The following IDH3G variants were observed in gnomAD, a reference collection of about 807,000 sequenced individuals.
IDH3G encodes the protein isocitrate dehydrogenase [NAD] subunit gamma, mitochondrial.
Under a neutral mutation model 26.9 loss-of-function variants are expected in IDH3G, and 9 were observed. That is an observed-to-expected ratio of 0.34 (90% confidence interval 0.20 to 0.58). The LOEUF is 0.58. Among genes scored for constraint, IDH3G ranks in the 20% least tolerant of loss-of-function variants. IDH3G has a pLI of 0.85. For synonymous variants in IDH3G, 181 were observed against 160.0 expected, an observed-to-expected ratio of 1.13 and a Z score of -0.99; for missense variants, 250 against 372.8, an observed-to-expected ratio of 0.67 and a Z score of 2.71.
At chrX:153,793,907 A>C (rs2092120957) in intron 1 of IDH3G, 1 of 166,406 alleles carries the variant, frequency 6.0e-6, no homozygotes, top group Non-Finnish European at 1.2e-5. Context: ...CGGATTCCCG[A>C]AGCGGTTTGA....
chrX:153,787,958 G>A lies in IDH3G; in HGVS notation c.408-3C>T. The stretch of plus-strand genomic sequence containing the variant: ...TGGCATAGAGGTCCAGGCTGGTGCT[G>A]GGAGGGGACGGAGAAAGAGGCTGCT... On this transcript the variant is annotated splice_region_variant and splice_polypyrimidine_tract_variant and intron_variant, in intron 6 of 12. Coordinates refer to ENST00000217901, the MANE Select transcript of IDH3G (RefSeq NM_004135.4). The A allele has an allele frequency of 1.7e-6, 2 of 1,210,409 alleles. No individual in the cohort carries two copies. Among genetic ancestry groups the A allele is most frequent in the Non-Finnish European group, 2.2e-6 (2 of 894,135 alleles).
chrX:153,789,126 A>G (rs1557069837), intron 5 of IDH3G: 1 of 342,754 alleles, frequency 2.9e-6, no homozygotes, highest in Admixed American at 3.1e-5. Context: ...GAATCCCAGC[A>G]TCGCAGCGCA....
At chrX:153,787,432 T>C in intron 8 of IDH3G, 32 bp downstream of exon 8, 1 of 1,202,474 alleles carries the variant, frequency 8.3e-7, no homozygotes, top group Non-Finnish European at 1.1e-6. Context: ...CAGCTGCTTC[T>C]GGACTGCTCG....
At position 153,790,826 on chromosome X, in the gene IDH3G, G is replaced by A. The variant is rs782335195; in HGVS notation, c.107C>T (p.Ser36Leu). Residue 36 changes from serine to leucine, a missense_variant, in exon 2 of 13, where the codon TCG becomes TTG. Ser to Leu is a moderately radical substitution (Grantham distance 145, BLOSUM62 -2). Transcript: ENST00000217901. Reference protein sequence around the residue: ...WEVLGAHEVPSRNIFSEQTIP... With the variant: ...WEVLGAHEVPLRNIFSEQTIP... ...GGTACTTACTGAAAAGATGTTCCTC[G>A]AGGGGACCTCGTGGGCGCCTAGAAC... 1.0e-4 allele frequency: 121 copies of A among 1,208,805 alleles called. No homozygotes were observed. Among genetic ancestry groups the A allele is most frequent in the African/African-American group, 1.4e-4 (8 of 56,755 alleles).
intron 5 of IDH3G, chrX:153,789,080 G>A (rs928124450): frequency 4.4e-5 from 15 of 339,656 alleles, no homozygotes; most frequent in African/African-American, 3.2e-4. Context: ...CAGGGAGCCC[G>A]TCACTGGACA....
At chrX:153,787,028 G>A (rs782146245) in intron 9 of IDH3G, 23 bp downstream of exon 9, 1 of 1,192,578 alleles carries the variant, frequency 8.4e-7, no homozygotes, top group South Asian at 1.8e-5. Flanking sequence ...AGGGCAGGGG[G>A]ACAGCACTGG....
intron 1 of IDH3G, among the ~76,000 whole-genome samples, chrX:153,793,309 CAA>C (rs782621887): frequency 8.9e-6 from 1 of 111,966 alleles, no homozygotes; most frequent in African/African-American, 3.2e-5. Flanking sequence ...TCAGCATCGT[CAA>C]GAGAATTTCA....
Position 153,786,860 on chromosome X carries a change from C to T in IDH3G, c.865G>A (p.Gly289Arg). 2.5e-6 allele frequency: 3 copies of T among 1,210,763 alleles called. No individual in the cohort carries two copies. Among genetic ancestry groups the T allele is most frequent in the Non-Finnish European group, 2.2e-6 (2 of 894,787 alleles). The change falls in exon 10 of 13, where the codon GGG (glycine) becomes AGG (arginine). Residue 289 changes from glycine to arginine, a missense_variant. Physicochemically the swap from Gly to Arg is moderately radical, Grantham distance 125. This residue lies in a region of IDH3G where 201 missense variants were observed against 331.3 expected (regional missense o/e 0.61). Coordinates refer to ENST00000217901, the MANE Select transcript of IDH3G (RefSeq NM_004135.4). ...IVNNVCAGLV[G>R]GPGLVAGANY... ...GCCCCAGCCACAAGGCCTGGGCCCCCGACCAGTCCCGCGCAGACATTGTTG... is the reference window on the plus strand; with the variant it reads ...GCCCCAGCCACAAGGCCTGGGCCCCTGACCAGTCCCGCGCAGACATTGTTG...
chrX:153,787,681 G>T, intron 7 of IDH3G, 84 bp from the exon 8 acceptor site: 1 of 1,149,694 alleles, frequency 8.7e-7, no homozygotes. Context: ...GGGCCACCGT[G>T]GGAAGCAACC....
Position 153,792,736 on chromosome X carries a change from C to T in IDH3G, c.81+1510G>A, listed in dbSNP as rs192857909. Among the ~76,000 whole-genome samples the T allele has an allele frequency of 2.0e-4, 22 of 112,696 alleles. No individual in the cohort carries two copies. In the Admixed American group the frequency reaches 2.0e-3, roughly 10 times the overall value. ...GGGCTTTGGCAAAAGACCCAGAGAG[C>T]GCTCCAGATGGACTTCCCTGACCTT... On this transcript the variant is annotated intron_variant, in intron 1 of 12. Transcript: ENST00000217901.
chrX:153,790,676 G>T, intron 2 of IDH3G, 101 bp from the exon 3 acceptor site: 1 of 1,080,746 alleles, frequency 9.3e-7, no homozygotes, highest in Non-Finnish European at 1.3e-6. Flanking sequence ...ATGCTGGCTA[G>T]TACAACTCCC....
At chrX:153,792,415 C>T (rs1308704116) in intron 1 of IDH3G, 9 of 105,202 alleles carry the variant, frequency 8.6e-5, no homozygotes, top group South Asian at 4.8e-4. Context: ...ACCTACTTTC[C>T]GTGACTGTTG....
Position 153,788,080 on chromosome X carries a change from G to A in IDH3G, c.402C>T (p.Ile134=), listed in dbSNP as rs1451738742. Residue 134 remains isoleucine, a synonymous_variant, in exon 6 of 13, where the codon ATC becomes ATT. Coordinates refer to ENST00000217901, the MANE Select transcript of IDH3G (RefSeq NM_004135.4). ...LPPSHKSRNN[I]LRTSLDLYAN... Reference sequence around the variant, plus strand: ...CCCGCACACCCGGATCTCACCGAAGGATGTTGTTTCGAGATTTGTGCGACG... The same window carrying A: ...CCCGCACACCCGGATCTCACCGAAGAATGTTGTTTCGAGATTTGTGCGACG... 8.3e-7 allele frequency: 1 copy of A among 1,210,785 alleles called. No homozygotes were observed.
At chrX:153,789,509 A>G (rs2092101239) in intron 5 of IDH3G, among the ~76,000 whole-genome samples, 1 of 112,900 alleles carries the variant, frequency 8.9e-6, no homozygotes, top group Middle Eastern at 4.6e-3. Flanking sequence ...ACACCGCTGC[A>G]CTCTAGCCTG....
chrX:153,790,474 G>C, intron 3 of IDH3G, 90 bp downstream of exon 3: 1 of 1,025,964 alleles, frequency 9.7e-7, no homozygotes, highest in Non-Finnish European at 1.4e-6. Flanking sequence ...GGGCTCCTGG[G>C]TCAGCAGCAG....
chrX:153,788,213 T>C (rs2092096833), intron 5 of IDH3G, 78 bp from the exon 6 acceptor site: 1 of 1,017,864 alleles, frequency 9.8e-7, no homozygotes, highest in Non-Finnish European at 1.4e-6. Context: ...GCTGCCGGGG[T>C]CAGAAGACTT....
intron 10 of IDH3G, 114 bp downstream of exon 10, chrX:153,786,687 A>C: frequency 1.1e-6 from 1 of 931,394 alleles, no homozygotes; most frequent in Middle Eastern, 3.6e-4. Flanking sequence ...TGGATATCCA[A>C]AAAACTACTA....
chrX:153,787,695 T>C, intron 7 of IDH3G, 98 bp from the exon 8 acceptor site: 4 of 1,132,599 alleles, frequency 3.5e-6, no homozygotes, highest in African/African-American at 1.8e-5. Flanking sequence ...AGCAACCCTG[T>C]CTGCCTATTT....
intron 8 of IDH3G, 49 bp downstream of exon 8, chrX:153,787,415 G>C: frequency 8.5e-7 from 1 of 1,179,527 alleles, no homozygotes; most frequent in Non-Finnish European, 1.1e-6. Context: ...GCCCAAGCAG[G>C]CCACTGCAGC....
Sources: gnomAD v4.1 joint callset for allele counts (sites outside exome capture counted in the v4.1 genomes callset) on GRCh38, gnomAD v4.1.1 for gene constraint, gnomAD v4.1.1 regional missense constraint, MANE v1.5 for transcripts, NCBI Gene and HGNC (gene_info 2026-07-23, HGNC 2026-07-21) for gene names.